CTDSPL2: variants seen among roughly 807,000 people sequenced by gnomAD.
CTDSPL2 encodes CTD small phosphatase-like protein 2.
A neutral mutation model predicts 60.0 loss-of-function variants in CTDSPL2; 5 were observed. The observed-to-expected ratio is 0.08, with a 90% CI of 0.04 to 0.18. CTDSPL2 has a LOEUF of 0.18. Among genes scored for constraint, CTDSPL2 ranks in the 10% least tolerant of loss-of-function variants. The probability of loss-of-function intolerance (pLI) is 1.00; values close to 1 mark genes in which losing one functional copy is unlikely to be tolerated. For synonymous variants in CTDSPL2, 186 were observed against 189.3 expected, an observed-to-expected ratio of 0.98 and a Z score of 0.14; for missense variants, 370 against 548.8, an observed-to-expected ratio of 0.67 and a Z score of 3.26.
At chr15:44,492,623 A>G (rs965429498) in intron 5 of CTDSPL2, among the ~76,000 whole-genome samples, 1 of 152,248 alleles carries the variant, frequency 6.6e-6, no homozygotes, top group African/African-American at 2.4e-5. Flanking sequence ...TGATACAATT[A>G]TGAAACTTCT....
At chr15:44,499,603 T>C (rs907326894) in intron 7 of CTDSPL2, 124 bp from the exon 8 acceptor site, 3 of 556,050 alleles carry the variant, frequency 5.4e-6, no homozygotes, top group Admixed American at 6.4e-5. Flanking sequence ...TATAGTAATA[T>C]ATTATAAATG....
At chr15:44,434,819 T>C (rs2079940484) in intron 1 of CTDSPL2, among the ~76,000 whole-genome samples, 1 of 152,214 alleles carries the variant, frequency 6.6e-6, no homozygotes, top group Non-Finnish European at 1.5e-5. Flanking sequence ...TTTTGCCAAA[T>C]GTTTTTGATA....
chr15:44,475,165 T>C (rs1385551594), intron 2 of CTDSPL2, among the ~76,000 whole-genome samples: 7 of 151,906 alleles, frequency 4.6e-5, no homozygotes. Flanking sequence ...AGATATTACT[T>C]CTTTTTTTAT....
At chr15:44,458,865 A>G in intron 1 of CTDSPL2, 126 bp from the exon 2 acceptor site, 1 of 499,560 alleles carries the variant, frequency 2.0e-6, no homozygotes, top group East Asian at 3.5e-5. Context: ...GCAGTCTCCT[A>G]GAGTCTAGGA....
At chr15:44,441,312 C>T (rs1485183839) in intron 1 of CTDSPL2, among the ~76,000 whole-genome samples, 1 of 152,018 alleles carries the variant, frequency 6.6e-6, no homozygotes. Flanking sequence ...AGTTTTTGTT[C>T]CCTAGAAGAG....
At chr15:44,506,025 CTTTTT>C (rs753896129) in intron 8 of CTDSPL2, among the ~76,000 whole-genome samples, 3 of 117,578 alleles carry the variant, frequency 2.6e-5, no homozygotes, top group African/African-American at 6.2e-5. Flanking sequence ...TCATTGGTAA[CTTTTT>C]TTTTTTTTTT....
intron 12 of CTDSPL2, among the ~76,000 whole-genome samples, chr15:44,523,276 C>T (rs932530481): frequency 1.3e-5 from 2 of 152,096 alleles, no homozygotes; most frequent in Non-Finnish European, 2.9e-5. Context: ...GGATTATAGG[C>T]ATGAGCCACT....
chr15:44,456,866 C>CA (rs2080455570), intron 1 of CTDSPL2, among the ~76,000 whole-genome samples: 2 of 99,708 alleles, frequency 2.0e-5, no homozygotes, highest in Admixed American at 9.0e-5. Flanking sequence ...TTTTTTTTTT[C>CA]TTTTTTTTTT....
At chr15:44,496,529 G>A in intron 6 of CTDSPL2, 71 bp downstream of exon 6, 1 of 1,175,720 alleles carries the variant, frequency 8.5e-7, no homozygotes, top group East Asian at 2.4e-5. Flanking sequence ...TATGTGGATT[G>A]GTGGCTAAAT....
intron 2 of CTDSPL2, among the ~76,000 whole-genome samples, chr15:44,474,480 ACT>A (rs1051045767): frequency 1.3e-5 from 2 of 151,700 alleles, no homozygotes; most frequent in African/African-American, 4.8e-5. Flanking sequence ...ACAAAGTGAG[ACT>A]CTGTCGTCTT....
rs762134529 is a variant in CTDSPL2 at position 44,524,353 on chromosome 15, G to A, written c.*179G>A. On this transcript the variant is annotated 3_prime_UTR_variant, in exon 13 of 13. Transcript: ENST00000260327. ...AAAGAGACTTTATCTATCTCAGATC[G>A]AATACATATAGTAGGTAGGCTAAAA... 1.3e-5 allele frequency: 8 copies of A among 595,600 alleles called. No individual in the cohort carries two copies. In the Admixed American group the frequency reaches 1.5e-4, roughly 11 times the overall value. The allele number at this position is 595,600 out of a possible 1,614,324, so 36.9% of individuals were successfully genotyped here. A position where few individuals can be genotyped will look rare whatever the true frequency, so the allele number is the denominator to read the frequency against.
At chr15:44,462,115 G>C (rs1408817998) in intron 2 of CTDSPL2, among the ~76,000 whole-genome samples, 1 of 152,048 alleles carries the variant, frequency 6.6e-6, no homozygotes, top group African/African-American at 2.4e-5. Flanking sequence ...CTAATTACTT[G>C]AATTTTTTAA....
intron 7 of CTDSPL2, among the ~76,000 whole-genome samples, chr15:44,498,303 G>C (rs1165762168): frequency 6.6e-6 from 1 of 152,126 alleles, no homozygotes; most frequent in Admixed American, 6.5e-5. Flanking sequence ...ATGTGGTTTA[G>C]CTCTCATAGA....
At chr15:44,443,440 T>C (rs770779068) in intron 1 of CTDSPL2, among the ~76,000 whole-genome samples, 6 of 152,240 alleles carry the variant, frequency 3.9e-5, no homozygotes, top group Admixed American at 6.5e-5. Context: ...TTGGATCATA[T>C]GGCAATTCTA....
At chr15:44,455,215 G>T (rs2080409707) in intron 1 of CTDSPL2, among the ~76,000 whole-genome samples, 1 of 151,964 alleles carries the variant, frequency 6.6e-6, no homozygotes, top group African/African-American at 2.4e-5. Flanking sequence ...TCATGATTTG[G>T]CTCTCTGTCT....
intron 8 of CTDSPL2, among the ~76,000 whole-genome samples, chr15:44,505,735 C>CAAAA (rs34005065): frequency 2.0e-4 from 15 of 73,948 alleles, no homozygotes; most frequent in African/African-American, 7.7e-4. Context: ...CTCTGTCTCC[C>CAAAA]AAAAAAAAAA....
intron 11 of CTDSPL2, 91 bp downstream of exon 11, chr15:44,519,386 A>C (rs534855505): frequency 1.8e-6 from 2 of 1,096,604 alleles, no homozygotes; most frequent in African/African-American, 1.7e-5. Flanking sequence ...GAAGAAGAAG[A>C]GAATTTTCAC....
chr15:44,523,145 C>T (rs1018896632), intron 12 of CTDSPL2, among the ~76,000 whole-genome samples: 11 of 152,048 alleles, frequency 7.2e-5, no homozygotes, highest in African/African-American at 2.4e-4. Flanking sequence ...TACAGGCGCC[C>T]GCCACCACGC....
At chr15:44,487,316 G>A (rs957674600) in intron 4 of CTDSPL2, among the ~76,000 whole-genome samples, 2 of 152,090 alleles carry the variant, frequency 1.3e-5, no homozygotes, top group Non-Finnish European at 2.9e-5. Flanking sequence ...TTATTTGGGC[G>A]TGGTAGTGCA....
Sources: allele counts gnomAD v4.1 joint callset (sites outside exome capture counted in the v4.1 genomes callset), GRCh38; gene constraint gnomAD v4.1.1; transcripts MANE v1.5; gene names NCBI Gene and HGNC (gene_info 2026-07-23, HGNC 2026-07-21).